Variants in LAMA2 observed in about 807,000 individuals in gnomAD.
The protein encoded by LAMA2 is laminin subunit alpha-2.
LAMA2 carries 269 observed loss-of-function variants against 364.8 expected under a neutral mutation model. The ratio of observed to expected loss-of-function variants is 0.74; its 90% CI spans 0.67 to 0.82. The LOEUF is 0.82. Among genes scored for constraint, LAMA2 ranks in the 40% least tolerant of loss-of-function variants. LAMA2 has a pLI of 0.00. For missense variants in LAMA2, 3,807 were observed against 3,873.2 expected (o/e 0.98, Z 0.45); for synonymous variants, 1,379 against 1,370.6 (o/e 1.01, Z -0.14).
At chr6:129,228,297 C>T (rs117774226) in intron 12 of LAMA2, among the ~76,000 whole-genome samples, 9,679 of 152,094 alleles carry the variant, frequency 0.064, 352 homozygotes, top group Middle Eastern at 0.088. Flanking sequence ...TGATGCCTCG[C>T]CCTGCTTTGG....
At chr6:129,269,610 G>T (rs1449718534) in intron 16 of LAMA2, among the ~76,000 whole-genome samples, 1 of 151,902 alleles carries the variant, frequency 6.6e-6, no homozygotes, top group Non-Finnish European at 1.5e-5. Flanking sequence ...ATTAATTTTT[G>T]ATTCAATTTT....
intron 45 of LAMA2, among the ~76,000 whole-genome samples, chr6:129,447,628 A>G (rs1399594714): frequency 6.6e-6 from 1 of 152,244 alleles, no homozygotes; most frequent in African/African-American, 2.4e-5. Flanking sequence ...ATAAGCTGAA[A>G]GCTTTGAGCA....
At chr6:128,947,153 C>T (rs1351112842) in intron 1 of LAMA2, among the ~76,000 whole-genome samples, 4 of 152,072 alleles carry the variant, frequency 2.6e-5, no homozygotes, top group African/African-American at 9.7e-5. Flanking sequence ...AATGGTATGC[C>T]AGGGGTGAGG....
At chr6:129,496,355 G>A (rs574766045) in intron 58 of LAMA2, among the ~76,000 whole-genome samples, 3 of 152,110 alleles carry the variant, frequency 2.0e-5, no homozygotes, top group East Asian at 1.9e-4. Context: ...TAGTAGAGAC[G>A]GGATTTCTCC....
At chr6:128,918,119 A>G (rs189626813) in intron 1 of LAMA2, among the ~76,000 whole-genome samples, 266 of 152,244 alleles carry the variant, frequency 1.7e-3, no homozygotes, top group African/African-American at 6.1e-3. Context: ...ATCAAGAGTG[A>G]TGGAAAGATT....
intron 12 of LAMA2, among the ~76,000 whole-genome samples, chr6:129,219,157 T>A (rs1783622127): frequency 6.6e-6 from 1 of 152,186 alleles, no homozygotes; most frequent in South Asian, 2.1e-4. Flanking sequence ...CATATTTTAT[T>A]TTCTTTAAAA....
At chr6:129,098,538 A>T (rs1341147117) in intron 4 of LAMA2, 123 bp downstream of exon 4, 3 of 1,153,154 alleles carry the variant, frequency 2.6e-6, no homozygotes, top group Non-Finnish European at 3.8e-6. Context: ...GCAAAAGTAC[A>T]TTTAAATGAG....
intron 4 of LAMA2, among the ~76,000 whole-genome samples, 186 bp from the exon 5 acceptor site, chr6:129,143,715 A>G (rs1224523413): frequency 6.6e-6 from 1 of 152,048 alleles, no homozygotes; most frequent in East Asian, 1.9e-4. Flanking sequence ...TTGCATGTAC[A>G]TGTATTAAGA....
At chr6:129,441,648 T>G (rs775098972) in intron 43 of LAMA2, among the ~76,000 whole-genome samples, 20 of 152,176 alleles carry the variant, frequency 1.3e-4, no homozygotes, top group Non-Finnish European at 2.8e-4. Flanking sequence ...AATATTAAGA[T>G]TTTAAAATGC....
At chr6:129,174,182 G>T (rs1780410560) in intron 9 of LAMA2, among the ~76,000 whole-genome samples, 1 of 151,730 alleles carries the variant, frequency 6.6e-6, no homozygotes, top group African/African-American at 2.4e-5. Flanking sequence ...TCTATCCCAA[G>T]ATTAGAAAAA....
intron 4 of LAMA2, among the ~76,000 whole-genome samples, chr6:129,110,586 G>A (rs1002187786): frequency 4.6e-5 from 7 of 152,074 alleles, no homozygotes; most frequent in African/African-American, 1.7e-4. Flanking sequence ...ACTCTGCCAT[G>A]CATTCTTCCA....
chr6:129,056,153 A>G (rs1788473098), intron 2 of LAMA2, among the ~76,000 whole-genome samples: 1 of 152,184 alleles, frequency 6.6e-6, no homozygotes, highest in Non-Finnish European at 1.5e-5. Flanking sequence ...ACAATCTGTA[A>G]AAAAGATTCA....
At chr6:129,102,190 G>A (rs1323686363) in intron 4 of LAMA2, among the ~76,000 whole-genome samples, 2 of 146,866 alleles carry the variant, frequency 1.4e-5, no homozygotes, top group Non-Finnish European at 3.0e-5. Flanking sequence ...GTGCAGTGGC[G>A]CCATCTCAGC....
At position 129,464,372 on chromosome 6, in the gene LAMA2, C is replaced by G; in HGVS notation, c.7075C>G (p.Pro2359Ala). The G allele has an allele frequency of 1.2e-6, 2 of 1,611,434 alleles. No homozygotes were observed. The highest frequency in any genetic ancestry group is 1.7e-6 in the Non-Finnish European group (2 of 1,178,048). Residue 2359 changes from proline (P) to alanine (A), a missense_variant, in exon 50 of 65, where the codon CCC becomes GCC. Physicochemically the swap from Pro to Ala is conservative, Grantham distance 27 (BLOSUM62 -1). Around this residue, in one of 3 missense-constraint regions of LAMA2, gnomAD observed 3,333 missense variants for 3,345.7 expected, o/e 1.00. Transcript: ENST00000421865. ...GGTCAGCCGTCCCATTCGCTGGTAC[C>G]CCAACATCTCCACTGTCATGTTCAA... ...ALVSRPIRWYPNISTVMFKFR... is the reference protein window; with the variant it reads ...ALVSRPIRWYANISTVMFKFR...
chr6:129,270,266 TACACAC>T (rs10522614), intron 16 of LAMA2, among the ~76,000 whole-genome samples: 4,181 of 142,944 alleles, frequency 0.029, 85 homozygotes, highest in African/African-American at 0.06. Flanking sequence ...GCTCTATGAC[TACACAC>T]ACACACACAC....
chr6:128,920,426 G>A (rs1778624489), intron 1 of LAMA2, among the ~76,000 whole-genome samples: 1 of 151,952 alleles, frequency 6.6e-6, no homozygotes, highest in African/African-American at 2.4e-5. Context: ...AAAGTGCTGG[G>A]ATTACAGGCG....
intron 12 of LAMA2, among the ~76,000 whole-genome samples, chr6:129,228,332 C>G (rs995838923): frequency 1.3e-5 from 2 of 152,136 alleles, no homozygotes; most frequent in Non-Finnish European, 2.9e-5. Flanking sequence ...GCTGCAACCA[C>G]TGTCCTGCAC....
intron 32 of LAMA2, 86 bp downstream of exon 32, chr6:129,353,443 C>T (rs1246774537): frequency 9.1e-7 from 1 of 1,104,246 alleles, no homozygotes; most frequent in Admixed American, 2.3e-5. Flanking sequence ...ACTCTCCCCG[C>T]CCGCCTTTTT....
intron 1 of LAMA2, among the ~76,000 whole-genome samples, chr6:128,924,781 A>G (rs774972945): frequency 6.6e-6 from 1 of 152,154 alleles, no homozygotes; most frequent in Non-Finnish European, 1.5e-5. Context: ...CTTCTCATCA[A>G]TCATGTTGCA....
Sources: allele counts gnomAD v4.1 joint callset (sites outside exome capture counted in the v4.1 genomes callset), GRCh38; gene constraint gnomAD v4.1.1; regional missense constraint gnomAD v4.1.1; transcripts MANE v1.5; gene names NCBI Gene and HGNC (gene_info 2026-07-23, HGNC 2026-07-21).